The following ETS1 variants were observed in gnomAD, a reference collection of about 807,000 sequenced individuals.
ETS1 encodes the protein protein C-ets-1.
A neutral mutation model predicts 58.6 loss-of-function variants in ETS1; 15 were observed. The observed-to-expected ratio is 0.26, with a 90% CI of 0.17 to 0.39. ETS1 has a LOEUF of 0.39. Ranked by LOEUF, ETS1 falls within the 10% of genes least tolerant of loss-of-function variation. The probability of loss-of-function intolerance (pLI) is 1.00; values close to 1 mark genes in which losing one functional copy is unlikely to be tolerated. For missense variants in ETS1, 417 were observed against 610.5 expected, an observed-to-expected ratio of 0.68 and a Z score of 3.34; for synonymous variants, 214 against 218.2, an observed-to-expected ratio of 0.98 and a Z score of 0.17.
intron 8 of ETS1, among the ~76,000 whole-genome samples, chr11:128,467,479 AC>A (rs1862070290): frequency 6.6e-6 from 1 of 152,034 alleles, no homozygotes; most frequent in Admixed American, 6.5e-5. Flanking sequence ...GGGCTCCAGG[AC>A]CCCATCCCTT....
intron 3 of ETS1, among the ~76,000 whole-genome samples, chr11:128,514,069 C>T (rs1400469149): frequency 6.6e-6 from 1 of 152,116 alleles, no homozygotes; most frequent in Non-Finnish European, 1.5e-5. Context: ...TCAAAAAACC[C>T]GTATCTACAA....
chr11:128,488,251 G>T (rs1380790900), intron 5 of ETS1, among the ~76,000 whole-genome samples: 1 of 152,178 alleles, frequency 6.6e-6, no homozygotes, highest in Admixed American at 6.5e-5. Context: ...AGCAGCCACA[G>T]AAAGACTCAC....
intron 3 of ETS1, among the ~76,000 whole-genome samples, chr11:128,499,913 G>A (rs1030353384): frequency 6.6e-6 from 1 of 152,212 alleles, no homozygotes; most frequent in Non-Finnish European, 1.5e-5. Flanking sequence ...CAAACAAATG[G>A]AGTAGAGCCC....
chr11:128,510,589 C>T (rs1863365868), intron 3 of ETS1, among the ~76,000 whole-genome samples: 2 of 152,212 alleles, frequency 1.3e-5, no homozygotes, highest in Non-Finnish European at 1.5e-5. Context: ...AGACACACTT[C>T]GTGACCTCAC....
chr11:128,540,449 A>G (rs10893885), intron 3 of ETS1, among the ~76,000 whole-genome samples: 73,725 of 151,764 alleles, frequency 0.49, 18,638 homozygotes, highest in East Asian at 0.7. Context: ...TAGTATGTGA[A>G]TTATATCTCA....
At chr11:128,569,395 G>T (rs921432201) in intron 2 of ETS1, among the ~76,000 whole-genome samples, 1 of 139,118 alleles carries the variant, frequency 7.2e-6, no homozygotes, top group African/African-American at 2.7e-5. Flanking sequence ...GGAGGACTTG[G>T]ATTATTGGAT....
At chr11:128,477,771 G>A (rs1184309654) in intron 8 of ETS1, among the ~76,000 whole-genome samples, 9 of 152,160 alleles carry the variant, frequency 5.9e-5, no homozygotes, top group Non-Finnish European at 8.8e-5. Context: ...CCACATACTC[G>A]CTTTTCTGCA....
chr11:128,495,056 T>C (rs1862902060), intron 3 of ETS1, among the ~76,000 whole-genome samples: 1 of 152,192 alleles, frequency 6.6e-6, no homozygotes, highest in Non-Finnish European at 1.5e-5. Flanking sequence ...ACTCTTCACA[T>C]ACACTATTCC....
chr11:128,465,979 G>C (rs961462358), intron 8 of ETS1, among the ~76,000 whole-genome samples: 4 of 152,172 alleles, frequency 2.6e-5, no homozygotes, highest in Non-Finnish European at 5.9e-5. Context: ...GTTGCCCCTG[G>C]ACAGGACCAG....
chr11:128,553,982 C>G (rs540184227), intron 3 of ETS1, among the ~76,000 whole-genome samples: 1 of 152,084 alleles, frequency 6.6e-6, no homozygotes, highest in Non-Finnish European at 1.5e-5. Flanking sequence ...TTATATTCAA[C>G]ACATCTCCAA....
At chr11:128,487,021 T>C (rs1268803968) in intron 5 of ETS1, among the ~76,000 whole-genome samples, 2 of 152,204 alleles carry the variant, frequency 1.3e-5, no homozygotes, top group Admixed American at 1.3e-4. Flanking sequence ...AGTTTATGCC[T>C]GCACAGAAAA....
chr11:128,485,091 A>G lies in ETS1; in HGVS notation c.614-20T>C. On this transcript the variant is annotated intron_variant, in intron 6 of 9. Coordinates refer to ENST00000392668, the MANE Select transcript of ETS1 (RefSeq NM_001143820.2). Reference sequence around the variant, plus strand: ...CATAGCCTGGAAACAAAGGGTTTGCAAGTAAAGAGAGGAGAGATTTGTACC... The same window carrying G: ...CATAGCCTGGAAACAAAGGGTTTGCGAGTAAAGAGAGGAGAGATTTGTACC... 1 of 1,602,742 alleles carries G rather than the reference A, an allele frequency of 6.2e-7. No individual in the cohort carries two copies. Among genetic ancestry groups the G allele is most frequent in the Non-Finnish European group, 8.5e-7 (1 of 1,172,062 alleles).
chr11:128,491,274 C>A (rs4937339), intron 3 of ETS1, among the ~76,000 whole-genome samples: 26,404 of 152,262 alleles, frequency 0.17, 2,822 homozygotes, highest in Middle Eastern at 0.27. Context: ...AAAGAAACAA[C>A]AGTGAGCAAC....
At chr11:128,526,654 C>T (rs537964806) in intron 3 of ETS1, 4 of 307,278 alleles carry the variant, frequency 1.3e-5, no homozygotes, top group South Asian at 1.0e-4. Context: ...AGTTCTTAAA[C>T]TGGCAACCTG....
chr11:128,546,609 A>C (rs1173966662), intron 3 of ETS1, among the ~76,000 whole-genome samples: 1 of 152,232 alleles, frequency 6.6e-6, no homozygotes, highest in Non-Finnish European at 1.5e-5. Context: ...AATAATGACA[A>C]GAAAAAGTCA....
chr11:128,530,707 G>A (rs902409474), intron 3 of ETS1, among the ~76,000 whole-genome samples: 1 of 152,004 alleles, frequency 6.6e-6, no homozygotes, highest in African/African-American at 2.4e-5. Context: ...GACTGTGAGA[G>A]GAAAAAACAA....
Position 128,489,336 on chromosome 11 carries a change from G to T in ETS1, c.489C>A (p.Asp163Glu). 6.2e-7 allele frequency: 1 copy of T among 1,614,136 alleles called. No homozygotes were observed. The stretch of plus-strand genomic sequence containing the variant: ...GTTCCCATAAGATGTCCCCAACAAA[G>T]TCTGGGGCCAGCTCGAGAAAGCAGT... ...GKDCFLELAP[D>E]FVGDILWEHL... The change falls in exon 5 of 10, where the codon GAC becomes GAA. Residue 163 changes from aspartate (D) to glutamate (E), a missense_variant. Coordinates refer to ENST00000392668, the MANE Select transcript of ETS1 (RefSeq NM_001143820.2).
intron 2 of ETS1, among the ~76,000 whole-genome samples, chr11:128,562,882 T>TC (rs1272774476): frequency 1.3e-5 from 2 of 149,260 alleles, no homozygotes; most frequent in Admixed American, 1.3e-4. Context: ...TATTCACCTG[T>TC]CCCCTCCAGC....
At chr11:128,550,942 C>T (rs1296705757) in intron 3 of ETS1, among the ~76,000 whole-genome samples, 3 of 152,178 alleles carry the variant, frequency 2.0e-5, no homozygotes, top group African/African-American at 7.2e-5. Flanking sequence ...TGCCTGGACT[C>T]CCTGTAAGTC....
Sources: gnomAD v4.1 joint callset for allele counts (sites outside exome capture counted in the v4.1 genomes callset) on GRCh38, gnomAD v4.1.1 for gene constraint, MANE v1.5 for transcripts, NCBI Gene and HGNC (gene_info 2026-07-23, HGNC 2026-07-21) for gene names.